The following BEST4 variants were observed in gnomAD, a reference collection of about 807,000 sequenced individuals.
BEST4 encodes bestrophin 4, also known as bestrophin-4.
A neutral mutation model predicts 47.1 loss-of-function variants in BEST4; 36 were observed. The ratio of observed to expected loss-of-function variants is 0.76; its 90% CI spans 0.59 to 1.01. The LOEUF (loss-of-function observed/expected upper bound fraction) is 1.01, where lower values mean the gene tolerates loss of function less well. Ranked by LOEUF, BEST4 falls within the 50% of genes least tolerant of loss-of-function variation. The pLI, the probability that BEST4 is intolerant of heterozygous loss-of-function variation, is 0.00. For synonymous variants in BEST4, 250 were observed against 277.8 expected (o/e 0.90, Z 1.00); for missense variants, 550 against 648.6 (o/e 0.85, Z 1.65).
Position 44,786,593 on chromosome 1 carries a change from C to CACGCCGTGCACGCTAGCCG in BEST4, c.332_350dup (p.Asp118GlyfsTer2), listed in dbSNP as rs1172321034. 13 of 1,550,762 alleles carry CACGCCGTGCACGCTAGCCG rather than the reference C, an allele frequency of 8.4e-6. No homozygotes were observed. Among genetic ancestry groups the CACGCCGTGCACGCTAGCCG allele is most frequent in the Non-Finnish European group, 1.7e-6 (2 of 1,147,008 alleles). Reference sequence around the variant, plus strand: ...GGCGCAGCAGGCGGCCCCGCTGGTCCACGCCGTGCACGCTAGCCGAGATGA... The same window carrying CACGCCGTGCACGCTAGCCG: ...GGCGCAGCAGGCGGCCCCGCTGGTCCACGCCGTGCACGCTAGCCGACGCCGTGCACGCTAGCCGAGATGA... On this transcript the variant is annotated stop_gained and frameshift_variant, in exon 3 of 9. Transcript: ENST00000372207. LOFTEE classifies it high-confidence loss of function. The surrounding 1 kb of genome is among the most constrained non-coding windows in gnomAD (Gnocchi z 4.9).
upstream of BEST4, among the ~76,000 whole-genome samples, chr1:44,791,612 G>C (rs758068196): frequency 6.6e-6 from 1 of 152,014 alleles, no homozygotes; most frequent in Non-Finnish European, 1.5e-5. Flanking sequence ...CAGAGGAAGA[G>C]GGCGGTCCCC....
At chr1:44,782,443 C>T (rs1022789024), downstream of BEST4, among the ~76,000 whole-genome samples, 2 of 151,898 alleles carry the variant, frequency 1.3e-5, no homozygotes, top group South Asian at 2.1e-4. Flanking sequence ...GCCTGGACAA[C>T]GTGGTGACAC....
In BEST4 at chr1:44,787,632, C is replaced by T. The variant is rs754211951; in HGVS notation, c.74G>A (p.Arg25Lys). The change falls in exon 1 of 9, where the codon AGG becomes AAG. Residue 25 changes from arginine to lysine, a missense_variant. Arg to Lys is a conservative substitution (Grantham distance 26). Around this residue, in one of 3 missense-constraint regions of BEST4, gnomAD observed 291 missense variants for 342.4 expected, o/e 0.85. Coordinates refer to ENST00000372207, the MANE Select transcript of BEST4 (RefSeq NM_153274.3). The part of the protein sequence containing the change: ...GGFSGLLLRW[R>K]GSIYKLLYKE... ...GTAGAGGAGCTTGTAGATGCTTCCC[C>T]TCCAGCGGAGAAGCAGGCCAGAGAA... 15 of 1,614,234 alleles carry T rather than the reference C, an allele frequency of 9.3e-6. No homozygotes were observed. The highest frequency in any genetic ancestry group is 4.4e-5 in the South Asian group (4 of 91,084).
chr1:44,786,163 C>T lies in BEST4; in HGVS notation c.547G>A (p.Val183Ile), dbSNP rs765171294. Residue 183 changes from valine to isoleucine, a missense_variant, in exon 4 of 9, where the codon GTC becomes ATC. Physicochemically the swap from Val to Ile is conservative, Grantham distance 29. Transcript: ENST00000372207. This position sits in a 1 kb window ranked among gnomAD's most constrained non-coding sequence, Gnocchi z 4.9. Reference sequence around the variant, plus strand: ...AGGTTGGTGAACCAGACGCAGGGGACCCAGTACTTGTTGAAGTCGGATTTC... The same window carrying T: ...AGGTTGGTGAACCAGACGCAGGGGATCCAGTACTTGTTGAAGTCGGATTTC... ...SLKSDFNKYW[V>I]PCVWFTNLAA... The T allele has an allele frequency of 1.2e-6, 2 of 1,614,052 alleles. No individual in the cohort carries two copies. The highest frequency in any genetic ancestry group is 1.7e-6 in the Non-Finnish European group (2 of 1,179,988).
At chr1:44,781,844 GA>G (rs528784989), downstream of BEST4, among the ~76,000 whole-genome samples, 2 of 152,124 alleles carry the variant, frequency 1.3e-5, no homozygotes, top group Non-Finnish European at 2.9e-5. Flanking sequence ...GATTAATTGG[GA>G]AAAAAGTCTT....
chr1:44,789,647 G>A (rs967581334), upstream of BEST4, among the ~76,000 whole-genome samples: 1 of 151,870 alleles, frequency 6.6e-6, no homozygotes, highest in African/African-American at 2.4e-5. Flanking sequence ...GCGGTGAGCC[G>A]AGATCATGCC....
upstream of BEST4, among the ~76,000 whole-genome samples, chr1:44,792,556 C>T (rs1651440242): frequency 6.6e-6 from 1 of 152,016 alleles, no homozygotes; most frequent in Admixed American, 6.6e-5. Flanking sequence ...GTGGGAAGTG[C>T]TACCGTGGCT....
chr1:44,789,612 C>T (rs545639520), upstream of BEST4, among the ~76,000 whole-genome samples: 16 of 152,160 alleles, frequency 1.1e-4, no homozygotes, highest in South Asian at 3.1e-3. Context: ...ACAGAAGAAT[C>T]GCTTGAACCT....
Position 44,786,774 on chromosome 1 carries a change from C to G in BEST4, c.248-78G>C. Reference sequence around the variant, plus strand: ...GGTCGGAGCGCCTCACCTCCCCCAGCAAAGGGCCTGGTCCAGGCCAGTTGA... The same window carrying G: ...GGTCGGAGCGCCTCACCTCCCCCAGGAAAGGGCCTGGTCCAGGCCAGTTGA... On this transcript the variant is annotated intron_variant, in intron 2 of 8. Transcript: ENST00000372207. This position sits in a 1 kb window ranked among gnomAD's most constrained non-coding sequence, Gnocchi z 4.9. 8.8e-7 allele frequency: 1 copy of G among 1,131,040 alleles called. No individual in the cohort carries two copies. Among genetic ancestry groups the G allele is most frequent in the Non-Finnish European group, 1.3e-6 (1 of 789,964 alleles). 70.1% of individuals were successfully genotyped at this position (1,131,040 alleles called of 1,614,324 possible).
In BEST4 at chr1:44,786,833, G is replaced by A; in HGVS notation, c.248-137C>T. Reference sequence around the variant, plus strand: ...AGGGGGAAGGAAACATTCAGCTCCAGTGCCCTGCTGTGCGAGGCCAGGAGG... The same window carrying A: ...AGGGGGAAGGAAACATTCAGCTCCAATGCCCTGCTGTGCGAGGCCAGGAGG... On this transcript the variant is annotated intron_variant, in intron 2 of 8. Transcript: ENST00000372207. The surrounding 1 kb of genome is among the most constrained non-coding windows in gnomAD (Gnocchi z 4.9). 1.5e-6 allele frequency: 1 copy of A among 663,730 alleles called. No homozygotes were observed. The highest frequency in any genetic ancestry group is 2.5e-6 in the Non-Finnish European group (1 of 394,260). The allele number at this position is 663,730 out of a possible 1,614,324, so 41.1% of individuals were successfully genotyped here.
rs1356444183 is a variant in BEST4 at position 44,786,031 on chromosome 1, TAGAG to T, written c.636+39_636+42del. Reference sequence around the variant, plus strand: ...TAAAATTATTATTCATCTTTAAAATTAGAGGGAGGAGGGCAGATGGGTCTGGTCC... The same window carrying T: ...TAAAATTATTATTCATCTTTAAAATTGGAGGAGGGCAGATGGGTCTGGTCC... On this transcript the variant is annotated intron_variant, in intron 4 of 8. Coordinates refer to ENST00000372207, the MANE Select transcript of BEST4 (RefSeq NM_153274.3). This position sits in a 1 kb window ranked among gnomAD's most constrained non-coding sequence, Gnocchi z 4.9. The T allele has an allele frequency of 1.1e-5, 17 of 1,543,392 alleles. No homozygotes were observed. Among genetic ancestry groups the T allele is most frequent in the South Asian group, 2.5e-5 (2 of 81,146 alleles).
chr1:44,782,666 A>AAAT (rs568996145), downstream of BEST4, among the ~76,000 whole-genome samples: 1,366 of 146,650 alleles, frequency 9.3e-3, 10 homozygotes, highest in Non-Finnish European at 0.012. Context: ...ATAAATAAAT[A>AAAT]AATAAGAAAT....
intron 4 of BEST4, 55 bp from the exon 5 acceptor site, chr1:44,785,731 C>G: frequency 6.8e-7 from 1 of 1,460,064 alleles, no homozygotes; most frequent in Non-Finnish European, 9.4e-7. Flanking sequence ...AACAGGGGTG[C>G]CCAGCACAAA....
At chr1:44,791,926 G>A (rs1213319154), upstream of BEST4, among the ~76,000 whole-genome samples, 1 of 152,098 alleles carries the variant, frequency 6.6e-6, no homozygotes, top group Non-Finnish European at 1.5e-5. Flanking sequence ...TGTGACTTTG[G>A]GAAAGCCATT....
In BEST4 at chr1:44,786,532, G is replaced by A; in HGVS notation, c.412C>T (p.Leu138=). ...CGGGTGCTGACCGAGCGCAGCACCA[G>A]CACGGACGCCAGGTTCGCGTAGCGG... ...LIRYANLASV[L]VLRSVSTRVL... is the part of the protein sequence containing the mutation. Residue 138 remains leucine, a synonymous_variant, in exon 3 of 9, where the codon CTG becomes TTG. Coordinates refer to ENST00000372207, the MANE Select transcript of BEST4 (RefSeq NM_153274.3). The surrounding 1 kb of genome is among the most constrained non-coding windows in gnomAD (Gnocchi z 4.9). The A allele has an allele frequency of 6.4e-7, 1 of 1,550,680 alleles. No homozygotes were observed. Among genetic ancestry groups the A allele is most frequent in the Non-Finnish European group, 8.7e-7 (1 of 1,148,146 alleles).
chr1:44,787,745 C>G lies in BEST4; in HGVS notation c.-40G>C. 4.3e-6 allele frequency: 7 copies of G among 1,611,520 alleles called. No individual in the cohort carries two copies. The highest frequency in any genetic ancestry group is 5.1e-6 in the Non-Finnish European group (6 of 1,179,126). On this transcript the variant is annotated 5_prime_UTR_variant, in exon 1 of 9. Coordinates refer to ENST00000372207, the MANE Select transcript of BEST4 (RefSeq NM_153274.3). The stretch of plus-strand genomic sequence containing the variant: ...GGGGCAGGAGGTCACAAGAGTTGCC[C>G]CCAGGGCTGTCGTTTAGTTCTCCAG...
chr1:44,788,604 A>G (rs1277112292), upstream of BEST4, among the ~76,000 whole-genome samples: 1 of 152,258 alleles, frequency 6.6e-6, no homozygotes, highest in Non-Finnish European at 1.5e-5. Flanking sequence ...TGAGGCTCCA[A>G]GAGGTAAATG....
chr1:44,787,455 G>C lies in BEST4; in HGVS notation c.164C>G (p.Thr55Ser), dbSNP rs1477542017. ...AGCATACACGTACCTCTGCTCCTGG[G>C]TCAGCAGCAGCCTGGGGAAGGCAGG... is the stretch of plus-strand genomic sequence containing the variant. ...VLSITYRLLL[T>S]QEQRYVYAQV... Residue 55 changes from threonine to serine, a missense_variant, in exon 2 of 9, where the codon ACC becomes AGC. By Grantham distance (58) the Thr-to-Ser change is moderately conservative. Coordinates refer to ENST00000372207, the MANE Select transcript of BEST4 (RefSeq NM_153274.3). The C allele has an allele frequency of 1.2e-6, 2 of 1,614,072 alleles. No individual in the cohort carries two copies. Among genetic ancestry groups the C allele is most frequent in the Non-Finnish European group, 1.7e-6 (2 of 1,180,042 alleles).
chr1:44,782,706 A>T (rs1159926589), downstream of BEST4, among the ~76,000 whole-genome samples: 2 of 152,162 alleles, frequency 1.3e-5, no homozygotes, highest in Non-Finnish European at 1.5e-5. Context: ...TACAGATGGA[A>T]AGAAGCAAAG....
Sources: allele counts gnomAD v4.1 joint callset (sites outside exome capture counted in the v4.1 genomes callset), GRCh38; gene constraint gnomAD v4.1.1; regional missense constraint gnomAD v4.1.1; non-coding constraint Gnocchi (gnomAD v3.1); transcripts MANE v1.5; gene names NCBI Gene and HGNC (gene_info 2026-07-23, HGNC 2026-07-21).